Variants in CEP72 observed in about 807,000 individuals in gnomAD.
CEP72 encodes the protein centrosomal protein 72.
CEP72 carries 78 observed loss-of-function variants against 65.7 expected under a neutral mutation model. The ratio of observed to expected loss-of-function variants is 1.19; its 90% CI spans 0.99 to 1.43. The LOEUF (loss-of-function observed/expected upper bound fraction) is 1.43, where lower values mean the gene tolerates loss of function less well. Among genes scored for constraint, CEP72 ranks in the 40% most tolerant of loss-of-function variants. CEP72 has a pLI of 0.00. For synonymous variants in CEP72, 358 were observed against 351.7 expected (o/e 1.02, Z -0.20); for missense variants, 914 against 832.9 (o/e 1.10, Z -1.20).
At chr5:625,798 G>A (rs762833612) in intron 4 of CEP72, among the ~76,000 whole-genome samples, 26 of 152,050 alleles carry the variant, frequency 1.7e-4, no homozygotes, top group Non-Finnish European at 3.5e-4. Context: ...TGTTTGTCTC[G>A]GAGGGCCTCC....
intron 1 of CEP72, among the ~76,000 whole-genome samples, chr5:618,258 C>T (rs1448048313): frequency 2.6e-5 from 4 of 152,122 alleles, no homozygotes; most frequent in Non-Finnish European, 5.9e-5. Flanking sequence ...ACTTCAGGTA[C>T]GTTCCTTGCT....
At chr5:641,534 A>G (rs886099693) in intron 9 of CEP72, 5 of 982,506 alleles carry the variant, frequency 5.1e-6, no homozygotes, top group Non-Finnish European at 6.0e-6. Context: ...AGAAAAACAC[A>G]GCAAAACAAC....
intron 7 of CEP72, among the ~76,000 whole-genome samples, 199 bp downstream of exon 7, chr5:638,017 C>T (rs1367369956): frequency 2.0e-5 from 3 of 152,118 alleles, no homozygotes; most frequent in Non-Finnish European, 4.4e-5. Flanking sequence ...ACGGCTTTGG[C>T]GGTGCCGTGA....
chr5:633,966 A>T lies in CEP72; in HGVS notation c.691+19A>T, dbSNP rs372062204. On this transcript the variant is annotated intron_variant, in intron 5 of 11. Coordinates refer to ENST00000264935, the MANE Select transcript of CEP72 (RefSeq NM_018140.4). The stretch of plus-strand genomic sequence containing the variant: ...TCCCAAGGTGCGCTGCTCATCTGCC[A>T]GGAGGCCAGTGGGTCCGCTGGCTCT... 1 of 1,607,828 alleles carries T rather than the reference A, an allele frequency of 6.2e-7. No homozygotes were observed. The highest frequency in any genetic ancestry group is 2.2e-5 in the East Asian group (1 of 44,840).
downstream of CEP72, among the ~76,000 whole-genome samples, chr5:654,162 T>C (rs980407538): frequency 1.4e-5 from 2 of 148,026 alleles, no homozygotes; most frequent in Non-Finnish European, 3.0e-5. Flanking sequence ...GTGTGTGCTC[T>C]GTGCGCGTGC....
chr5:626,565 A>C (rs1736772110), intron 4 of CEP72, among the ~76,000 whole-genome samples: 1 of 152,202 alleles, frequency 6.6e-6, no homozygotes, highest in Non-Finnish European at 1.5e-5. Context: ...AACACCTGTA[A>C]TCTCAGTGCT....
Position 637,510 on chromosome 5 carries a change from A to G in CEP72, c.905-7A>G, listed in dbSNP as rs151246317. On this transcript the variant is annotated splice_polypyrimidine_tract_variant and splice_region_variant and intron_variant, in intron 6 of 11. Coordinates refer to ENST00000264935, the MANE Select transcript of CEP72 (RefSeq NM_018140.4). ...CTGACGTGCGCCCCATCCTCTCTAT[A>G]TCTCAGACTCCATGGATACCGAGGA... 28 of 1,609,938 alleles carry G rather than the reference A, an allele frequency of 1.7e-5. No homozygotes were observed. In the African/African-American group the frequency reaches 2.4e-4, roughly 14 times the overall value.
At chr5:642,724 G>T in intron 9 of CEP72, 1 of 985,476 alleles carries the variant, frequency 1.0e-6, no homozygotes, top group Non-Finnish European at 1.2e-6. Context: ...AGAAGAATCT[G>T]GCAGCCCGAG....
rs1050427180 is a variant in CEP72, at chr5:624,851, C to G, written c.512+272C>G. The stretch of plus-strand genomic sequence containing the variant: ...ACTCAGCAAAGGGCTTGTCCTGTCC[C>G]TTTCCCGGGGCTGGCAGCTCTCACG... On this transcript the variant is annotated intron_variant, in intron 4 of 11. Coordinates refer to ENST00000264935, the MANE Select transcript of CEP72 (RefSeq NM_018140.4). The surrounding 1 kb of genome is among the most constrained non-coding windows in gnomAD (Gnocchi z 4.7). Among the ~76,000 whole-genome samples the G allele has an allele frequency of 2.6e-5, 4 of 152,230 alleles. No homozygotes were observed. The highest frequency in any genetic ancestry group is 9.6e-5 in the African/African-American group (4 of 41,466).
downstream of CEP72, among the ~76,000 whole-genome samples, chr5:668,073 CT>C (rs1230981314): frequency 0.031 from 627 of 20,114 alleles, 197 homozygotes; most frequent in Non-Finnish European, 0.036. Context: ...GACAAGCACA[CT>C]GGAGAGGGGT....
downstream of CEP72, among the ~76,000 whole-genome samples, chr5:671,370 T>C (rs1740218030): frequency 6.6e-6 from 1 of 151,716 alleles, no homozygotes; most frequent in South Asian, 2.1e-4. Flanking sequence ...GGCCCGACCT[T>C]CTCTAGGGGG....
downstream of CEP72, among the ~76,000 whole-genome samples, chr5:654,109 AGCTGTGTGTGTGT>A (rs1739286818): frequency 8.3e-6 from 1 of 120,144 alleles, no homozygotes; most frequent in African/African-American, 3.4e-5. Flanking sequence ...TGTGTGTGCT[AGCTGTGTGTGTGT>A]GCTGTGTGTG....
At chr5:651,577 G>C (rs1242906704) in intron 11 of CEP72, among the ~76,000 whole-genome samples, 2 of 152,002 alleles carry the variant, frequency 1.3e-5, no homozygotes, top group African/African-American at 4.8e-5. Flanking sequence ...TTTACTCCCT[G>C]GCTATAGGGG....
chr5:664,963 T>A, intron 2 of CEP72: 8 of 978,308 alleles, frequency 8.2e-6, no homozygotes, highest in Non-Finnish European at 1.0e-5. Context: ...GAGGGAGGCC[T>A]GGGCCTGGCC....
At chr5:668,600 T>C (rs576656899), downstream of CEP72, among the ~76,000 whole-genome samples, 1 of 152,324 alleles carries the variant, frequency 6.6e-6, no homozygotes, top group African/African-American at 2.4e-5. Context: ...GGGGGCCTCG[T>C]CCACACCCGG....
downstream of CEP72, among the ~76,000 whole-genome samples, chr5:669,991 C>T (rs1022784365): frequency 5.5e-4 from 84 of 152,312 alleles, no homozygotes; most frequent in African/African-American, 1.9e-3. Flanking sequence ...CCCAGCCCGG[C>T]GCCCTGCCCC....
At chr5:651,522 C>T (rs1456065772) in intron 11 of CEP72, among the ~76,000 whole-genome samples, 6 of 152,004 alleles carry the variant, frequency 3.9e-5, no homozygotes, top group South Asian at 2.1e-4. Flanking sequence ...TGTGCTTCCC[C>T]CTTCACTGCA....
At chr5:632,211 T>C (rs1737243501) in intron 4 of CEP72, among the ~76,000 whole-genome samples, 2 of 69,224 alleles carry the variant, frequency 2.9e-5, no homozygotes, top group South Asian at 5.5e-4. Flanking sequence ...TGGGGTTCTG[T>C]CCAGTGTCGG....
chr5:642,520 G>A (rs752161999), intron 9 of CEP72: 666 of 985,374 alleles, frequency 6.8e-4, no homozygotes, highest in Non-Finnish European at 7.8e-4. Context: ...AGCCTGGGAC[G>A]AGACAGAGCT....
Sources: gnomAD v4.1 joint callset for allele counts (sites outside exome capture counted in the v4.1 genomes callset) on GRCh38, gnomAD v4.1.1 for gene constraint, Gnocchi (gnomAD v3.1) non-coding constraint, MANE v1.5 for transcripts, NCBI Gene and HGNC (gene_info 2026-07-23, HGNC 2026-07-21) for gene names.